Variants in PTPRR observed in about 807,000 individuals in gnomAD.
PTPRR encodes receptor-type tyrosine-protein phosphatase R.
In PTPRR, 38 loss-of-function variants were observed where a neutral mutation model predicts 77.2. The observed-to-expected ratio is 0.49, with a 90% CI of 0.38 to 0.65. The LOEUF (loss-of-function observed/expected upper bound fraction) is 0.65. Ranked by LOEUF, PTPRR falls within the 30% of genes least tolerant of loss-of-function variation. The probability of loss-of-function intolerance (pLI) is 0.00; values close to 1 mark genes in which losing one functional copy is unlikely to be tolerated. For missense variants in PTPRR, 744 were observed against 799.2 expected (o/e 0.93, Z 0.83); for synonymous variants, 299 against 283.1 (o/e 1.06, Z -0.57).
At chr12:70,908,492 G>A (rs921285047) in intron 1 of PTPRR, among the ~76,000 whole-genome samples, 4 of 152,106 alleles carry the variant, frequency 2.6e-5, no homozygotes, top group Admixed American at 6.6e-5. Flanking sequence ...CCAGAGAAGG[G>A]GGGAAGTCCC....
chr12:70,763,141 T>G (rs1452795562), intron 3 of PTPRR, among the ~76,000 whole-genome samples: 1 of 151,982 alleles, frequency 6.6e-6, no homozygotes, highest in Non-Finnish European at 1.5e-5. Flanking sequence ...TTTTTCTTTT[T>G]TTTTGAGATG....
At chr12:70,693,309 G>A (rs553673816) in intron 8 of PTPRR, among the ~76,000 whole-genome samples, 2 of 152,052 alleles carry the variant, frequency 1.3e-5, no homozygotes, top group African/African-American at 4.8e-5. Flanking sequence ...TTCAGAGAGG[G>A]GAGTCTCACT....
chr12:70,681,143 G>A (rs1043412127), intron 10 of PTPRR, among the ~76,000 whole-genome samples: 6 of 152,160 alleles, frequency 3.9e-5, no homozygotes, highest in African/African-American at 1.4e-4. Context: ...GTAGGGAGCT[G>A]TAGCAACTCA....
chr12:70,750,911 T>C (rs1890372358), intron 5 of PTPRR, among the ~76,000 whole-genome samples: 1 of 151,538 alleles, frequency 6.6e-6, no homozygotes, highest in East Asian at 1.9e-4. Context: ...AAACCCTTTT[T>C]TTTTTTTTTG....
At chr12:70,902,321 C>T (rs1166881355) in intron 1 of PTPRR, among the ~76,000 whole-genome samples, 1 of 151,808 alleles carries the variant, frequency 6.6e-6, no homozygotes. Context: ...TGGGTATCCA[C>T]TCAGAGGAAA....
At chr12:70,647,166 G>T (rs1025416501) in intron 13 of PTPRR, among the ~76,000 whole-genome samples, 1 of 151,606 alleles carries the variant, frequency 6.6e-6, no homozygotes, top group Non-Finnish European at 1.5e-5. Context: ...ATAATTTCCT[G>T]CTACTCAGGA....
intron 6 of PTPRR, among the ~76,000 whole-genome samples, chr12:70,715,125 A>G (rs113838637): frequency 0.022 from 3,325 of 152,266 alleles, 66 homozygotes; most frequent in East Asian, 0.068. Flanking sequence ...GGTTTGAGAA[A>G]TAAAGGGACA....
intron 2 of PTPRR, among the ~76,000 whole-genome samples, chr12:70,857,143 T>C (rs993984937): frequency 3.3e-5 from 5 of 152,116 alleles, no homozygotes; most frequent in African/African-American, 7.2e-5. Context: ...AATACATATT[T>C]GATATCCTGG....
chr12:70,858,917 A>G (rs1892699172), intron 2 of PTPRR, among the ~76,000 whole-genome samples: 1 of 149,762 alleles, frequency 6.7e-6, no homozygotes, highest in African/African-American at 2.4e-5. Context: ...AACACAATGT[A>G]TCTAAACTTC....
chr12:70,891,523 C>T (rs922080922), intron 2 of PTPRR, among the ~76,000 whole-genome samples: 3 of 152,136 alleles, frequency 2.0e-5, no homozygotes, highest in Non-Finnish European at 4.4e-5. Context: ...AAGTGACCCA[C>T]ATATTTTCTC....
intron 2 of PTPRR, among the ~76,000 whole-genome samples, chr12:70,821,156 A>G (rs1249643207): frequency 6.7e-6 from 1 of 148,896 alleles, no homozygotes; most frequent in Non-Finnish European, 1.5e-5. Flanking sequence ...TTCTTTCAAG[A>G]GATACATTTG....
At chr12:70,687,917 C>T (rs1887927476) in intron 8 of PTPRR, among the ~76,000 whole-genome samples, 1 of 152,114 alleles carries the variant, frequency 6.6e-6, no homozygotes, top group Non-Finnish European at 1.5e-5. Context: ...TCTTGTCCTT[C>T]AGAGCTTTCA....
chr12:70,775,560 C>T (rs1265178779), intron 2 of PTPRR, among the ~76,000 whole-genome samples: 1 of 152,180 alleles, frequency 6.6e-6, no homozygotes, highest in African/African-American at 2.4e-5. Flanking sequence ...TATTAGGCAG[C>T]CTGGACTTTC....
intron 1 of PTPRR, among the ~76,000 whole-genome samples, chr12:70,899,780 T>TA (rs1014504553): frequency 3.6e-4 from 55 of 151,354 alleles, no homozygotes; most frequent in African/African-American, 1.2e-3. Context: ...ATTGTCTATA[T>TA]AAAAAATCCC....
chr12:70,686,167 AT>A (rs993661708), intron 8 of PTPRR, among the ~76,000 whole-genome samples: 2 of 152,154 alleles, frequency 1.3e-5, no homozygotes, highest in Non-Finnish European at 2.9e-5. Flanking sequence ...CCATTCCCAT[AT>A]TTTTTTAGTA....
At chr12:70,677,044 A>G (rs1439279705) in intron 10 of PTPRR, among the ~76,000 whole-genome samples, 1 of 152,118 alleles carries the variant, frequency 6.6e-6, no homozygotes, top group Non-Finnish European at 1.5e-5. Flanking sequence ...ATTCCACTCC[A>G]TGAACACAGG....
At chr12:70,768,778 G>T (rs926230804) in intron 2 of PTPRR, among the ~76,000 whole-genome samples, 1 of 151,734 alleles carries the variant, frequency 6.6e-6, no homozygotes, top group African/African-American at 2.4e-5. Context: ...CGGGCAAACC[G>T]AATCCAGCAG....
chr12:70,786,070 G>A (rs980030664), intron 2 of PTPRR, among the ~76,000 whole-genome samples: 7 of 152,148 alleles, frequency 4.6e-5, no homozygotes, highest in African/African-American at 1.7e-4. Context: ...TGGAATCAGG[G>A]TCAGGCAGAA....
At chr12:70,866,429 T>C (rs997491400) in intron 2 of PTPRR, among the ~76,000 whole-genome samples, 4 of 152,070 alleles carry the variant, frequency 2.6e-5, no homozygotes, top group African/African-American at 7.2e-5. Context: ...CTAGAAAATC[T>C]AGAAGAAATG....
Sources: allele counts gnomAD v4.1 joint callset (sites outside exome capture counted in the v4.1 genomes callset), GRCh38; gene constraint gnomAD v4.1.1; transcripts MANE v1.5; gene names NCBI Gene and HGNC (gene_info 2026-07-23, HGNC 2026-07-21).